Variants in UBE2E3 observed in about 807,000 individuals in gnomAD.
UBE2E3 encodes the protein ubiquitin-conjugating enzyme E2 E3.
In UBE2E3, 5 loss-of-function variants were observed where a neutral mutation model predicts 23.6. The observed-to-expected ratio is 0.21, with a 90% CI of 0.11 to 0.44. The LOEUF (loss-of-function observed/expected upper bound fraction) is 0.44. UBE2E3 is among the 20% of genes least tolerant of loss of function. The probability of loss-of-function intolerance (pLI) is 0.99; values close to 1 mark genes in which losing one functional copy is unlikely to be tolerated. For missense variants in UBE2E3, 81 were observed against 249.8 expected, an observed-to-expected ratio of 0.32 and a Z score of 4.55; for synonymous variants, 78 against 87.5, an observed-to-expected ratio of 0.89 and a Z score of 0.60.
intron 3 of UBE2E3, among the ~76,000 whole-genome samples, chr2:180,986,693 T>C (rs1196363664): frequency 6.6e-6 from 1 of 152,116 alleles, no homozygotes; most frequent in Non-Finnish European, 1.5e-5. Context: ...CATTTGGCTT[T>C]CGTGTGTAGT....
intron 3 of UBE2E3, among the ~76,000 whole-genome samples, chr2:181,027,369 C>G (rs1685929108): frequency 6.6e-6 from 1 of 151,762 alleles, no homozygotes; most frequent in South Asian, 2.1e-4. Flanking sequence ...TCATGGTCAT[C>G]CAAACCTCTT....
intron 3 of UBE2E3, among the ~76,000 whole-genome samples, chr2:181,029,431 C>T (rs1482843366): frequency 6.6e-6 from 1 of 151,974 alleles, no homozygotes. Context: ...TACTGTATCA[C>T]CCTCATTTAT....
intron 4 of UBE2E3, 76 bp from the exon 5 acceptor site, chr2:181,060,589 C>T: frequency 3.8e-6 from 5 of 1,318,596 alleles, no homozygotes; most frequent in African/African-American, 1.5e-5. Flanking sequence ...GATATATTAC[C>T]CTTCATTTTT....
intron 3 of UBE2E3, among the ~76,000 whole-genome samples, chr2:181,004,601 C>T (rs567979232): frequency 2.6e-5 from 4 of 152,082 alleles, no homozygotes; most frequent in African/African-American, 9.6e-5. Context: ...CCACCGCACC[C>T]CAGTCTGGCG....
intron 3 of UBE2E3, among the ~76,000 whole-genome samples, chr2:181,004,611 G>A (rs942605853): frequency 2.0e-5 from 3 of 151,726 alleles, no homozygotes; most frequent in African/African-American, 4.8e-5. Flanking sequence ...CCAGTCTGGC[G>A]AAGAGCGAGA....
intron 3 of UBE2E3, among the ~76,000 whole-genome samples, chr2:180,989,316 A>G (rs577026776): frequency 2.0e-5 from 3 of 152,164 alleles, no homozygotes; most frequent in South Asian, 4.1e-4. Flanking sequence ...TCATTTTTGT[A>G]TCTTTTCCTT....
chr2:180,984,512 A>G (rs1300629950), intron 3 of UBE2E3, among the ~76,000 whole-genome samples: 1 of 152,222 alleles, frequency 6.6e-6, no homozygotes, highest in South Asian at 2.1e-4. Context: ...AATGCAGTAA[A>G]TAAGCATATA....
intron 3 of UBE2E3, among the ~76,000 whole-genome samples, chr2:181,031,437 C>G (rs945630913): frequency 6.6e-6 from 1 of 152,074 alleles, no homozygotes; most frequent in Non-Finnish European, 1.5e-5. Flanking sequence ...AGCAAGCTTA[C>G]AATGTTTCAG....
chr2:181,048,711 A>C (rs537898154), intron 3 of UBE2E3, among the ~76,000 whole-genome samples: 4 of 152,092 alleles, frequency 2.6e-5, no homozygotes, highest in African/African-American at 9.7e-5. Context: ...ATTGCTTTCA[A>C]CCTAAATAAA....
At chr2:180,992,583 AACAT>A (rs1684695710) in intron 3 of UBE2E3, among the ~76,000 whole-genome samples, 1 of 152,088 alleles carries the variant, frequency 6.6e-6, no homozygotes, top group Admixed American at 6.5e-5. Context: ...TGACATTTGG[AACAT>A]ATGCCTCAAG....
chr2:180,998,289 A>G (rs1024244881), intron 3 of UBE2E3, among the ~76,000 whole-genome samples: 6 of 152,112 alleles, frequency 3.9e-5, no homozygotes, highest in African/African-American at 1.4e-4. Context: ...GAATCAGGAG[A>G]TTGTATAATC....
intron 3 of UBE2E3, among the ~76,000 whole-genome samples, chr2:181,041,545 TCTC>T (rs1686505784): frequency 1.3e-5 from 2 of 151,786 alleles, no homozygotes; most frequent in African/African-American, 2.4e-5. Context: ...TCCAAGCAAT[TCTC>T]CTGCCTCAGC....
chr2:181,059,462 A>T (rs993860795), intron 4 of UBE2E3, among the ~76,000 whole-genome samples: 1 of 151,778 alleles, frequency 6.6e-6, no homozygotes, highest in Non-Finnish European at 1.5e-5. Context: ...TAAAATCTAC[A>T]TGTATAATTT....
chr2:181,032,503 T>C (rs1686115034), intron 3 of UBE2E3, among the ~76,000 whole-genome samples: 1 of 152,186 alleles, frequency 6.6e-6, no homozygotes, highest in South Asian at 2.1e-4. Flanking sequence ...ATTTGAGTCA[T>C]TTAGTATTTT....
chr2:180,992,933 A>C (rs1684710316), intron 3 of UBE2E3, among the ~76,000 whole-genome samples: 1 of 152,184 alleles, frequency 6.6e-6, no homozygotes, highest in South Asian at 2.1e-4. Context: ...TCCACTTTAC[A>C]AAACAGAACT....
intron 3 of UBE2E3, among the ~76,000 whole-genome samples, chr2:180,996,680 C>T (rs1369194287): frequency 6.6e-6 from 1 of 152,128 alleles, no homozygotes; most frequent in Non-Finnish European, 1.5e-5. Flanking sequence ...TCACTTGGCA[C>T]TTGCAAATTA....
intron 3 of UBE2E3, among the ~76,000 whole-genome samples, chr2:181,028,349 A>G (rs1685963642): frequency 6.6e-6 from 1 of 152,062 alleles, no homozygotes; most frequent in African/African-American, 2.4e-5. Context: ...TTTTGTCACT[A>G]TGAACAATCG....
At chr2:181,059,152 G>C (rs764579923) in intron 4 of UBE2E3, among the ~76,000 whole-genome samples, 2 of 151,672 alleles carry the variant, frequency 1.3e-5, no homozygotes, top group Non-Finnish European at 2.9e-5. Context: ...CTCTGTTGCT[G>C]AGATATACAG....
chr2:181,037,019 G>A (rs1030202101), intron 3 of UBE2E3, among the ~76,000 whole-genome samples: 3 of 152,152 alleles, frequency 2.0e-5, no homozygotes, highest in African/African-American at 7.2e-5. Context: ...GTTATGCATT[G>A]TATAATGACA....
Sources: allele counts gnomAD v4.1 joint callset (sites outside exome capture counted in the v4.1 genomes callset), GRCh38; gene constraint gnomAD v4.1.1; transcripts MANE v1.5; gene names NCBI Gene and HGNC (gene_info 2026-07-23, HGNC 2026-07-21).